The following RGS5 variants were observed in gnomAD, a reference collection of about 807,000 sequenced individuals.
RGS5 encodes regulator of G-protein signalling 5.
Under a neutral mutation model 18.9 loss-of-function variants are expected in RGS5, and 20 were observed. That is an observed-to-expected ratio of 1.06 (90% CI 0.74 to 1.54). The LOEUF is 1.54. Ranked by LOEUF, RGS5 falls within the 40% of genes most tolerant of loss-of-function variation. The pLI is 0.00. For missense variants in RGS5, 201 were observed against 211.8 expected (o/e 0.95, Z 0.32); for synonymous variants, 57 against 76.2 (o/e 0.75, Z 1.31).
intron 1 of RGS5, among the ~76,000 whole-genome samples, chr1:163,194,543 C>T (rs61810823): frequency 0.11 from 16,926 of 152,058 alleles, 1,284 homozygotes; most frequent in South Asian, 0.18. Context: ...ACTTATCCTC[C>T]ACTAGGTAGT....
At chr1:163,241,595 C>A (rs954971732) in intron 2 of RGS5, among the ~76,000 whole-genome samples, 2 of 151,562 alleles carry the variant, frequency 1.3e-5, no homozygotes, top group Admixed American at 6.6e-5. Context: ...CGTTTATTCT[C>A]ACATTATCTG....
At chr1:163,170,873 C>T (rs1040270617) in intron 1 of RGS5, among the ~76,000 whole-genome samples, 4 of 152,086 alleles carry the variant, frequency 2.6e-5, no homozygotes, top group East Asian at 1.9e-4. Flanking sequence ...GAATAAGTGT[C>T]GCTTTAATTC....
At chr1:163,152,290 C>A (rs546847154) in intron 4 of RGS5, among the ~76,000 whole-genome samples, 1 of 152,268 alleles carries the variant, frequency 6.6e-6, no homozygotes, top group South Asian at 2.1e-4. Context: ...ACAATTCATG[C>A]AAGATTTCAC....
chr1:163,265,744 T>C (rs537436309), intron 2 of RGS5, among the ~76,000 whole-genome samples: 1 of 152,220 alleles, frequency 6.6e-6, no homozygotes, highest in South Asian at 2.1e-4. Flanking sequence ...AGTTCACTTA[T>C]CCTCACTCTT....
chr1:163,267,475 T>G (rs1025782182), intron 2 of RGS5: 5 of 152,158 alleles, frequency 3.3e-5, no homozygotes, highest in Non-Finnish European at 7.4e-5. Flanking sequence ...ACTCATAAGT[T>G]ATTTTTCCAT....
intron 2 of RGS5, among the ~76,000 whole-genome samples, chr1:163,295,399 T>A (rs1649397070): frequency 6.6e-6 from 1 of 152,206 alleles, no homozygotes. Context: ...TTTGTTTTCA[T>A]AAAAATGGCC....
chr1:163,301,819 A>G (rs1308126322), intron 2 of RGS5, among the ~76,000 whole-genome samples: 2 of 152,172 alleles, frequency 1.3e-5, no homozygotes, highest in Non-Finnish European at 1.5e-5. Flanking sequence ...AAATAATTAA[A>G]TAGAAATTCT....
rs538915457 is a variant in RGS5 at position 163,155,000 on chromosome 1, G to A, written c.218-2284C>T. 1.1e-4 allele frequency among the ~76,000 whole-genome samples: 16 copies of A among 151,964 alleles called. No homozygotes were observed. In the South Asian group the frequency reaches 3.3e-3, roughly 32 times the overall value. ...ATATAAAACTATGTATATGTCCATTGTTTCTTAAACAAAAGGTGTCAGATA... is the reference window on the plus strand; with the variant it reads ...ATATAAAACTATGTATATGTCCATTATTTCTTAAACAAAAGGTGTCAGATA... On this transcript the variant is annotated intron_variant, in intron 3 of 4. Coordinates refer to ENST00000313961, the MANE Select transcript of RGS5 (RefSeq NM_003617.4).
At chr1:163,303,766 G>A (rs561975159) in intron 2 of RGS5, among the ~76,000 whole-genome samples, 1 of 152,234 alleles carries the variant, frequency 6.6e-6, no homozygotes, top group African/African-American at 2.4e-5. Flanking sequence ...ATTACCACCT[G>A]CCTGAGCTCC....
intron 2 of RGS5, among the ~76,000 whole-genome samples, chr1:163,267,725 C>T (rs1383112216): frequency 6.6e-6 from 1 of 152,062 alleles, no homozygotes; most frequent in African/African-American, 2.4e-5. Context: ...AGTGGGAATA[C>T]AAATTCAAAG....
chr1:163,225,402 G>T (rs1647312033), intron 2 of RGS5, among the ~76,000 whole-genome samples: 1 of 152,128 alleles, frequency 6.6e-6, no homozygotes, highest in Admixed American at 6.6e-5. Flanking sequence ...GAGAAACTTG[G>T]GGAGGCTATG....
intron 2 of RGS5, among the ~76,000 whole-genome samples, chr1:163,295,228 A>C (rs1649393445): frequency 6.6e-6 from 1 of 152,180 alleles, no homozygotes; most frequent in African/African-American, 2.4e-5. Flanking sequence ...TAACTGTATT[A>C]GTCTGTTCTC....
chr1:163,277,513 T>G (rs2101716251), intron 2 of RGS5, among the ~76,000 whole-genome samples: 1 of 152,306 alleles, frequency 6.6e-6, no homozygotes, highest in African/African-American at 2.4e-5. Flanking sequence ...GATTAAGGCC[T>G]TTTGTTTTGG....
intron 2 of RGS5, among the ~76,000 whole-genome samples, chr1:163,293,246 C>G (rs1649338014): frequency 6.6e-6 from 1 of 152,108 alleles, no homozygotes; most frequent in Admixed American, 6.6e-5. Context: ...AAAGAACTAC[C>G]TAAGACTGGG....
At chr1:163,161,155 A>C (rs567516015) in intron 3 of RGS5, among the ~76,000 whole-genome samples, 1 of 152,338 alleles carries the variant, frequency 6.6e-6, no homozygotes, top group Admixed American at 6.5e-5. Flanking sequence ...TATGAGTAAA[A>C]GATATTCCAG....
At chr1:163,149,094 T>A (rs973354782) in intron 4 of RGS5, among the ~76,000 whole-genome samples, 3 of 152,164 alleles carry the variant, frequency 2.0e-5, no homozygotes, top group African/African-American at 7.2e-5. Context: ...TTGAGCTACA[T>A]TAAGATTTTC....
chr1:163,314,844 C>A (rs1007745418), intron 1 of RGS5, among the ~76,000 whole-genome samples: 3 of 152,116 alleles, frequency 2.0e-5, no homozygotes, highest in Non-Finnish European at 4.4e-5. Flanking sequence ...CTAGAAGATG[C>A]CATGTATGAA....
At chr1:163,312,806 T>C (rs1297555986) in intron 1 of RGS5, among the ~76,000 whole-genome samples, 1 of 152,218 alleles carries the variant, frequency 6.6e-6, no homozygotes, top group African/African-American at 2.4e-5. Flanking sequence ...GTCCTAACTT[T>C]TGGTTGTGAA....
rs1264448921 is a variant in RGS5 at position 163,145,937 on chromosome 1, C to T, written c.*1405G>A. On this transcript the variant is annotated 3_prime_UTR_variant, in exon 5 of 5. Coordinates refer to ENST00000313961, the MANE Select transcript of RGS5 (RefSeq NM_003617.4). ...TTTTATTAATCCTTTAAAAATCACC[C>T]TATTTCTTTTGAGTTAATATCCTCA... The T allele has an allele frequency of 6.6e-6, 1 of 152,126 alleles. No individual in the cohort carries two copies. Among genetic ancestry groups the T allele is most frequent in the Non-Finnish European group, 1.5e-5 (1 of 68,016 alleles). The allele number at this position is 152,126 out of a possible 1,614,324, so 9.4% of individuals were successfully genotyped here.
Sources: allele counts gnomAD v4.1 joint callset (sites outside exome capture counted in the v4.1 genomes callset), GRCh38; gene constraint gnomAD v4.1.1; transcripts MANE v1.5; gene names NCBI Gene and HGNC (gene_info 2026-07-23, HGNC 2026-07-21).